DEK: variants seen among roughly 807,000 people sequenced by gnomAD.
DEK encodes the protein protein DEK.
In DEK, 28 loss-of-function variants were observed where a neutral mutation model predicts 46.8. The ratio of observed to expected loss-of-function variants is 0.60; its 90% confidence interval spans 0.44 to 0.82. The LOEUF (loss-of-function observed/expected upper bound fraction) is 0.82, where lower values mean the gene tolerates loss of function less well. Ranked by LOEUF, DEK falls within the 40% of genes least tolerant of loss-of-function variation. DEK has a pLI of 0.00. For synonymous variants in DEK, 160 were observed against 144.5 expected (o/e 1.11, Z -0.77); for missense variants, 416 against 430.6 (o/e 0.97, Z 0.30).
chr6:18,226,461 G>A (rs1790127906), intron 9 of DEK, among the ~76,000 whole-genome samples: 1 of 152,130 alleles, frequency 6.6e-6, no homozygotes, highest in Non-Finnish European at 1.5e-5. Flanking sequence ...GTGTTTTCAG[G>A]CTGAGAGTCT....
chr6:18,261,566 C>A (rs967373591), intron 2 of DEK, among the ~76,000 whole-genome samples: 8 of 150,770 alleles, frequency 5.3e-5, no homozygotes, highest in African/African-American at 1.9e-4. Flanking sequence ...AGCGAAACTC[C>A]GTTTCAAAAA....
rs1408676701 is a variant in DEK at position 18,226,180 on chromosome 6, TAC to T, written c.1108_1109del (p.Val370LysfsTer8). 3.0e-6 allele frequency: 4 copies of T among 1,325,434 alleles called. No homozygotes were observed. Among genetic ancestry groups the T allele is most frequent in the Non-Finnish European group, 4.0e-6 (4 of 993,990 alleles). 82.1% of individuals were successfully genotyped at this position (1,325,434 alleles called of 1,614,324 possible). ...GAAAGACTGAAATATTTACCTCTTT[TAC>T]AGTTGTTTTTATGAAATCTTTTCTT... Reference protein sequence around the residue: ...TERKDFIKTTVKELIS With the variant: ...TERKDFIKTTXKELIS On this transcript the variant is annotated frameshift_variant, in exon 10 of 11. Transcript: ENST00000652689. LOFTEE classifies it high-confidence loss of function.
At chr6:18,231,886 T>C (rs890069296) in intron 9 of DEK, among the ~76,000 whole-genome samples, 5 of 152,142 alleles carry the variant, frequency 3.3e-5, no homozygotes, top group African/African-American at 4.8e-5. Context: ...CATCCTGATA[T>C]CAAAGCCTGG....
intron 2 of DEK, among the ~76,000 whole-genome samples, chr6:18,259,430 A>AAAAAAATAAAT (rs1554162685): frequency 3.1e-5 from 3 of 96,844 alleles, no homozygotes; most frequent in South Asian, 3.0e-4. Flanking sequence ...AAAAAAAAAA[A>AAAAAAATAAAT]AAATCTAGAA....
intron 7 of DEK, among the ~76,000 whole-genome samples, chr6:18,247,463 T>C (rs1395254297): frequency 6.6e-6 from 1 of 152,156 alleles, no homozygotes; most frequent in Non-Finnish European, 1.5e-5. Context: ...TTTTCATCAA[T>C]TGACCTGGGT....
intron 9 of DEK, among the ~76,000 whole-genome samples, chr6:18,235,402 C>T (rs964846022): frequency 9.2e-5 from 14 of 152,140 alleles, no homozygotes; most frequent in African/African-American, 3.1e-4. Flanking sequence ...TGTTATTGTT[C>T]CTCAACTGTA....
intron 7 of DEK, among the ~76,000 whole-genome samples, chr6:18,246,878 TAATG>T (rs1174347778): frequency 6.6e-6 from 1 of 152,214 alleles, no homozygotes; most frequent in Non-Finnish European, 1.5e-5. Context: ...AAGCTGATCT[TAATG>T]AATAAGAGTC....
At chr6:18,259,361 C>G (rs1292604292) in intron 2 of DEK, among the ~76,000 whole-genome samples, 1 of 126,504 alleles carries the variant, frequency 7.9e-6, no homozygotes, top group Non-Finnish European at 1.6e-5. Flanking sequence ...CACCACTGCA[C>G]CTCAGCCTGG....
At chr6:18,232,011 C>T (rs1393862635) in intron 9 of DEK, among the ~76,000 whole-genome samples, 7 of 152,160 alleles carry the variant, frequency 4.6e-5, no homozygotes, top group South Asian at 2.1e-4. Context: ...AAAACCTTAT[C>T]TACCATGATT....
chr6:18,227,180 G>GT (rs1199186418), intron 9 of DEK, among the ~76,000 whole-genome samples: 2 of 152,132 alleles, frequency 1.3e-5, no homozygotes, highest in Non-Finnish European at 2.9e-5. Flanking sequence ...GCTGAGGAGG[G>GT]TTAGTATAAG....
At chr6:18,228,286 AC>A (rs1286785886) in intron 9 of DEK, among the ~76,000 whole-genome samples, 2 of 152,208 alleles carry the variant, frequency 1.3e-5, no homozygotes, top group Non-Finnish European at 2.9e-5. Flanking sequence ...AATTTTGCTT[AC>A]AAAACCAGGT....
Position 18,263,910 on chromosome 6 carries a change from G to A in DEK, c.78C>T (p.Pro26=), listed in dbSNP as rs1015705027. Residue 26 remains proline (P), a synonymous_variant, in exon 2 of 11, where the codon CCC becomes CCT. Coordinates refer to ENST00000652689, the MANE Select transcript of DEK (RefSeq NM_003472.4). ...QPASEKEPEM[P]GPREESEEEE... ...CCTCCTCGCTCTCCTCTCTGGGACC[G>A]GGCATTTCGGGTTCTTTCTCGGACG... The A allele has an allele frequency of 1.2e-6, 2 of 1,611,762 alleles. No individual in the cohort carries two copies. Among genetic ancestry groups the A allele is most frequent in the Admixed American group, 1.7e-5 (1 of 59,670 alleles).
At chr6:18,227,534 AC>A (rs1790195109) in intron 9 of DEK, among the ~76,000 whole-genome samples, 5 of 152,026 alleles carry the variant, frequency 3.3e-5, no homozygotes. Flanking sequence ...ACCAATAAAT[AC>A]TAAGGGACCT....
chr6:18,227,037 A>C (rs1052627118), intron 9 of DEK, among the ~76,000 whole-genome samples: 4 of 152,196 alleles, frequency 2.6e-5, no homozygotes, highest in African/African-American at 9.6e-5. Flanking sequence ...ACACCGCGGA[A>C]GGCTGCAGGG....
At chr6:18,240,790 T>C (rs564135506) in intron 7 of DEK, among the ~76,000 whole-genome samples, 1 of 152,234 alleles carries the variant, frequency 6.6e-6, no homozygotes, top group Non-Finnish European at 1.5e-5. Context: ...ACCCTATCTC[T>C]AAAAAACTAA....
At chr6:18,236,350 C>A in intron 9 of DEK, 102 bp downstream of exon 9, 1 of 1,288,202 alleles carries the variant, frequency 7.8e-7, no homozygotes, top group South Asian at 1.4e-5. Flanking sequence ...ATAAATCTTT[C>A]TTCAATAAGT....
rs1554155712 is a variant in DEK, at chr6:18,224,901, T to TTGTG, written c.*817_*818insCACA. The TTGTG allele has an allele frequency of 4.7e-6, 1 of 212,900 alleles. No individual in the cohort carries two copies. Among genetic ancestry groups the TTGTG allele is most frequent in the Non-Finnish European group, 9.5e-6 (1 of 104,946 alleles). The allele number at this position is 212,900 out of a possible 1,614,324, so 13.2% of individuals were successfully genotyped here. A position where few individuals can be genotyped will look rare whatever the true frequency, so the allele number is the denominator to read the frequency against. On this transcript the variant is annotated 3_prime_UTR_variant, in exon 11 of 11. Transcript: ENST00000652689. ...AATATAAAACGTACCTACAGACACT[T>TTGTG]TTACAGAGTTAATACTAAAATTACA...
chr6:18,243,992 G>A (rs146263149), intron 7 of DEK, among the ~76,000 whole-genome samples: 2 of 152,210 alleles, frequency 1.3e-5, no homozygotes, highest in East Asian at 3.9e-4. Context: ...GTGAAGTACT[G>A]ACCCCCATTT....
At chr6:18,229,279 A>G (rs1191342739) in intron 9 of DEK, among the ~76,000 whole-genome samples, 1 of 152,214 alleles carries the variant, frequency 6.6e-6, no homozygotes, top group Non-Finnish European at 1.5e-5. Context: ...CAAAGATGGG[A>G]AGAAACCAGA....
Sources: allele counts gnomAD v4.1 joint callset (sites outside exome capture counted in the v4.1 genomes callset), GRCh38; gene constraint gnomAD v4.1.1; transcripts MANE v1.5; gene names NCBI Gene and HGNC (gene_info 2026-07-23, HGNC 2026-07-21).